Variants in PBX1 observed in about 807,000 individuals in gnomAD.
The protein encoded by PBX1 is PBX homeobox 1.
In PBX1, 6 loss-of-function variants were observed where a neutral mutation model predicts 53.4. The observed-to-expected ratio is 0.11, with a 90% CI of 0.06 to 0.22. The LOEUF (loss-of-function observed/expected upper bound fraction) is 0.22. Ranked by LOEUF, PBX1 falls within the 10% of genes least tolerant of loss-of-function variation. PBX1 has a pLI of 1.00. For synonymous variants in PBX1, 204 were observed against 212.3 expected, an observed-to-expected ratio of 0.96 and a Z score of 0.34; for missense variants, 251 against 551.4, an observed-to-expected ratio of 0.46 and a Z score of 5.46.
At chr1:164,774,525 A>G (rs1489514271) in intron 2 of PBX1, 1 of 152,172 alleles carries the variant, frequency 6.6e-6, no homozygotes, top group East Asian at 1.9e-4. Flanking sequence ...TGTGCCCATC[A>G]CTGTGGTTAG....
intron 2 of PBX1, among the ~76,000 whole-genome samples, chr1:164,719,233 A>C (rs1232370781): frequency 6.6e-6 from 1 of 152,190 alleles, no homozygotes; most frequent in African/African-American, 2.4e-5. Context: ...ACTCTCCTTC[A>C]GGTTTAAATC....
downstream of PBX1, among the ~76,000 whole-genome samples, chr1:164,856,261 G>A (rs12141982): frequency 0.051 from 7,759 of 152,172 alleles, 223 homozygotes; most frequent in East Asian, 0.094. Flanking sequence ...AGTATTAGCA[G>A]AAACATTCCT....
intron 2 of PBX1, among the ~76,000 whole-genome samples, chr1:164,709,350 G>A (rs185154317): frequency 5.9e-5 from 9 of 152,188 alleles, no homozygotes; most frequent in East Asian, 3.9e-4. Flanking sequence ...TTGTTCACTC[G>A]AAATTGTGCA....
At chr1:164,652,980 C>G (rs949058838) in intron 2 of PBX1, among the ~76,000 whole-genome samples, 2 of 151,724 alleles carry the variant, frequency 1.3e-5, no homozygotes, top group Non-Finnish European at 2.9e-5. Flanking sequence ...AGTAGTTCTG[C>G]CTCAGCCTCC....
chr1:164,625,790 T>G, intron 2 of PBX1: 9 of 254,456 alleles, frequency 3.5e-5, no homozygotes, highest in South Asian at 1.5e-4. Flanking sequence ...GAAATTATAA[T>G]GAGATCCCTG....
At chr1:164,881,096 CA>C (rs1672635238) in intron 2 of PBX1, among the ~76,000 whole-genome samples, 1 of 152,174 alleles carries the variant, frequency 6.6e-6, no homozygotes, top group Non-Finnish European at 1.5e-5. Context: ...TTCTGGTACC[CA>C]ACTGCAGCCA....
chr1:164,717,477 A>G (rs536757448), intron 2 of PBX1, among the ~76,000 whole-genome samples: 94 of 152,270 alleles, frequency 6.2e-4, no homozygotes, highest in African/African-American at 2.1e-3. Context: ...AGCTCTGTCT[A>G]GGATTATCAG....
At chr1:164,870,540 C>G (rs966863302) in intron 2 of PBX1, among the ~76,000 whole-genome samples, 1 of 151,816 alleles carries the variant, frequency 6.6e-6, no homozygotes, top group Non-Finnish European at 1.5e-5. Context: ...GACGGGGTTT[C>G]GCCATGTTGC....
chr1:164,764,523 C>T (rs901796340), intron 2 of PBX1, among the ~76,000 whole-genome samples: 1 of 152,146 alleles, frequency 6.6e-6, no homozygotes, highest in African/African-American at 2.4e-5. Context: ...CTCTGCTGGT[C>T]TCTTCAGAAT....
intron 2 of PBX1, among the ~76,000 whole-genome samples, chr1:164,580,712 G>T (rs150613801): frequency 0.033 from 4,945 of 152,090 alleles, 129 homozygotes; most frequent in Non-Finnish European, 0.053. Flanking sequence ...GAGTAGCTGG[G>T]ATTACAGGAG....
rs1415624530 is a variant in PBX1, at chr1:164,559,786, G to A, written c.-37G>A. On this transcript the variant is annotated 5_prime_UTR_variant, in exon 1 of 9. Transcript: ENST00000420696. ...TTCCCAGGAGCCGAGCCGAGGAGCA[G>A]AAGAGGAAGAGCCGGGGGCTGCCGT... 6.6e-7 allele frequency: 1 copy of A among 1,507,996 alleles called. No homozygotes were observed. The highest frequency in any genetic ancestry group is 1.2e-5 in the South Asian group (1 of 80,768). 93.4% of individuals were successfully genotyped at this position (1,507,996 alleles called of 1,614,324 possible).
chr1:164,823,624 G>A (rs1056785495), intron 8 of PBX1, among the ~76,000 whole-genome samples: 3 of 131,340 alleles, frequency 2.3e-5, no homozygotes, highest in Non-Finnish European at 3.3e-5. Context: ...GGGTGGGGGG[G>A]GGGGTCAACA....
intron 2 of PBX1, among the ~76,000 whole-genome samples, chr1:164,565,680 C>A (rs1356441783): frequency 6.6e-6 from 1 of 151,758 alleles, no homozygotes; most frequent in Non-Finnish European, 1.5e-5. Context: ...AACCTTCAAT[C>A]TTTTTGCCAG....
intron 2 of PBX1, among the ~76,000 whole-genome samples, chr1:164,880,429 A>G (rs1672618887): frequency 6.6e-6 from 1 of 152,198 alleles, no homozygotes; most frequent in African/African-American, 2.4e-5. Flanking sequence ...AGTGATTATT[A>G]TGATGCATCT....
chr1:164,628,105 G>T (rs951644082), intron 2 of PBX1, among the ~76,000 whole-genome samples: 3 of 152,112 alleles, frequency 2.0e-5, no homozygotes, highest in Non-Finnish European at 4.4e-5. Context: ...ACTTGGAGAA[G>T]AATTATAAGA....
At chr1:164,722,468 T>C (rs1304062053) in intron 2 of PBX1, among the ~76,000 whole-genome samples, 2 of 152,218 alleles carry the variant, frequency 1.3e-5, no homozygotes, top group African/African-American at 4.8e-5. Context: ...CTTCTACAAA[T>C]TGTTTTGCCA....
chr1:164,663,388 G>A (rs1170621936), intron 2 of PBX1, among the ~76,000 whole-genome samples: 2 of 151,972 alleles, frequency 1.3e-5, no homozygotes, highest in East Asian at 1.9e-4. Flanking sequence ...GGTCAGAGTA[G>A]AAAGTATCTT....
chr1:164,811,655 G>A (rs987908090), intron 5 of PBX1, among the ~76,000 whole-genome samples: 6 of 152,180 alleles, frequency 3.9e-5, no homozygotes, highest in Non-Finnish European at 5.9e-5. Context: ...GAAATGTTAG[G>A]TATATTTTAG....
In PBX1 at chr1:164,820,081, G is replaced by C. The variant is rs1424046891; in HGVS notation, c.1007G>C (p.Ser336Thr). 9.0e-5 allele frequency: 145 copies of C among 1,608,588 alleles called. No individual in the cohort carries two copies. The highest frequency in any genetic ancestry group is 1.2e-4 in the Non-Finnish European group (143 of 1,175,838). The change falls in exon 7 of 9, where the codon AGT becomes ACT. Residue 336 changes from serine (S) to threonine (T), a missense_variant. Coordinates refer to ENST00000420696, the MANE Select transcript of PBX1 (RefSeq NM_002585.4). ...PSTPNSAGSS[S>T]SFNMSNSGDL... ...ACTCTTTCCTTTCCAGGTTCTTCCA[G>C]TTCTTTTAACATGTCAAACTCTGGA...
Sources: allele counts gnomAD v4.1 joint callset (sites outside exome capture counted in the v4.1 genomes callset), GRCh38; gene constraint gnomAD v4.1.1; transcripts MANE v1.5; gene names NCBI Gene and HGNC (gene_info 2026-07-23, HGNC 2026-07-21).